RGPD2: variants seen among roughly 807,000 people sequenced by gnomAD.
RGPD2 encodes the protein RANBP2-like and GRIP domain-containing protein 2.
A neutral mutation model predicts 36.0 loss-of-function variants in RGPD2; 2 were observed. The observed-to-expected ratio is 0.06, with a 90% CI of 0.02 to 0.17. The LOEUF is 0.17. Among genes scored for constraint, RGPD2 ranks in the 10% least tolerant of loss-of-function variants. The pLI is 1.00. For synonymous variants in RGPD2, 19 were observed against 163.8 expected (o/e 0.12, Z 6.75); for missense variants, 40 against 464.3 (o/e 0.09, Z 8.40).
the RGPD2 span, among the ~76,000 whole-genome samples, chr2:87,911,899 G>A: frequency 6.6e-6 from 1 of 150,938 alleles, no homozygotes; most frequent in Non-Finnish European, 1.5e-5. Context: ...TTCATCTGAT[G>A]GAGCATGGTG....
chr2:87,857,205 A>T, the RGPD2 span, among the ~76,000 whole-genome samples: 5,134 of 151,174 alleles, frequency 0.034, no homozygotes, highest in Middle Eastern at 0.045. Context: ...TTTTCATAGC[A>T]TAGATTAGGA....
the RGPD2 span, among the ~76,000 whole-genome samples, chr2:87,983,800 A>G: frequency 6.6e-6 from 1 of 151,302 alleles, no homozygotes; most frequent in Admixed American, 6.6e-5. Flanking sequence ...GGTAATGGCA[A>G]GTGCAAACAC....
At chr2:87,846,173 C>A in the RGPD2 span, among the ~76,000 whole-genome samples, 1 of 151,228 alleles carries the variant, frequency 6.6e-6, no homozygotes, top group African/African-American at 2.4e-5. Flanking sequence ...GGGGTAATAG[C>A]CTCATTGGTA....
At chr2:87,806,109 GC>G (rs1378783737) in intron 7 of RGPD2, among the ~76,000 whole-genome samples, 2 of 149,488 alleles carry the variant, frequency 1.3e-5, no homozygotes, top group African/African-American at 2.4e-5. Context: ...GCTGCAGTGA[GC>G]CGAGATCACA....
At chr2:87,871,626 G>A in the RGPD2 span, among the ~76,000 whole-genome samples, 3 of 151,958 alleles carry the variant, frequency 2.0e-5, no homozygotes, top group African/African-American at 7.3e-5. Context: ...AGCACTTTGG[G>A]AGGCCAAAGT....
At chr2:87,961,357 G>A in the RGPD2 span, among the ~76,000 whole-genome samples, 1 of 151,966 alleles carries the variant, frequency 6.6e-6, no homozygotes, top group Non-Finnish European at 1.5e-5. Flanking sequence ...TGGCGACGTC[G>A]GCGCTCGAGC....
chr2:87,988,545 T>A, the RGPD2 span, among the ~76,000 whole-genome samples: 563 of 23,696 alleles, frequency 0.024, 13 homozygotes, highest in East Asian at 0.16. Context: ...ATATATATTT[T>A]TTTTTTTTCT....
chr2:87,920,398 A>G, the RGPD2 span, among the ~76,000 whole-genome samples: 1 of 151,430 alleles, frequency 6.6e-6, no homozygotes, highest in Non-Finnish European at 1.5e-5. Flanking sequence ...AATATTGGGG[A>G]AAAAAAGAAA....
chr2:87,836,057 G>A, the RGPD2 span, among the ~76,000 whole-genome samples: 1 of 151,504 alleles, frequency 6.6e-6, no homozygotes, highest in South Asian at 2.1e-4. Flanking sequence ...ACATATTTAA[G>A]GATATTGTAC....
chr2:87,978,555 C>A, the RGPD2 span, among the ~76,000 whole-genome samples: 1 of 85,550 alleles, frequency 1.2e-5, no homozygotes, highest in Non-Finnish European at 2.5e-5. Flanking sequence ...CGTGAATTTT[C>A]ATTTAAAAGA....
At chr2:87,825,026 T>G (rs1232185397) in intron 1 of RGPD2, 12 of 392,662 alleles carry the variant, frequency 3.1e-5, no homozygotes, top group Non-Finnish European at 4.9e-5. Flanking sequence ...GCTAAAAATA[T>G]TAAATACAAA....
At chr2:87,897,919 T>C in the RGPD2 span, among the ~76,000 whole-genome samples, 1 of 151,882 alleles carries the variant, frequency 6.6e-6, no homozygotes, top group Non-Finnish European at 1.5e-5. Context: ...TTTCAGATAA[T>C]ACATTTCAAT....
the RGPD2 span, among the ~76,000 whole-genome samples, chr2:87,834,521 A>G: frequency 2.0e-5 from 3 of 152,252 alleles, no homozygotes; most frequent in Admixed American, 2.0e-4. Flanking sequence ...TACAGTGTGA[A>G]TATATAGAAA....
At chr2:87,831,071 TAGTC>T in the RGPD2 span, among the ~76,000 whole-genome samples, 1 of 152,108 alleles carries the variant, frequency 6.6e-6, no homozygotes, top group Non-Finnish European at 1.5e-5. Context: ...ACAATGAAAA[TAGTC>T]AATAAAATAA....
chr2:87,907,466 ATTGTGGG>A, the RGPD2 span, among the ~76,000 whole-genome samples: 4 of 4,370 alleles, frequency 9.2e-4, no homozygotes, highest in Non-Finnish European at 1.5e-3. Context: ...AAAAAAAAGA[ATTGTGGG>A]TATGAAATAG....
chr2:87,955,235 C>G, the RGPD2 span, among the ~76,000 whole-genome samples: 1 of 146,616 alleles, frequency 6.8e-6, no homozygotes, highest in South Asian at 2.2e-4. Context: ...AGGATGGTCT[C>G]GATCTCCTGA....
At chr2:87,879,896 T>G in the RGPD2 span, among the ~76,000 whole-genome samples, 2 of 32,808 alleles carry the variant, frequency 6.1e-5, no homozygotes, top group African/African-American at 3.6e-4. Context: ...TTACATACTG[T>G]TTTCCAAAAT....
At chr2:87,922,292 C>CAAAAAA in the RGPD2 span, among the ~76,000 whole-genome samples, 8 of 84,694 alleles carry the variant, frequency 9.4e-5, no homozygotes, top group Admixed American at 1.5e-4. Context: ...GACTTCGTCT[C>CAAAAAA]AAAAAAAAAA....
the RGPD2 span, among the ~76,000 whole-genome samples, chr2:87,873,197 A>G: frequency 6.6e-6 from 1 of 151,598 alleles, no homozygotes; most frequent in Admixed American, 6.6e-5. Context: ...GCTGCATAGT[A>G]TTCCATAGTG....
Sources: gnomAD v4.1 joint callset for allele counts (sites outside exome capture counted in the v4.1 genomes callset) on GRCh38, gnomAD v4.1.1 for gene constraint, MANE v1.5 for transcripts, NCBI Gene and HGNC (gene_info 2026-07-23, HGNC 2026-07-21) for gene names.